The following ZC3H12B variants were observed in gnomAD, a reference collection of about 807,000 sequenced individuals.
ZC3H12B encodes probable ribonuclease ZC3H12B.
In ZC3H12B, 7 loss-of-function variants were observed where a neutral mutation model predicts 43.9. That is an observed-to-expected ratio of 0.16 (90% CI 0.09 to 0.30). ZC3H12B has a LOEUF of 0.30. ZC3H12B is among the 10% of genes least tolerant of loss of function. The pLI is 1.00. For missense variants in ZC3H12B, 475 were observed against 670.2 expected, an observed-to-expected ratio of 0.71 and a Z score of 3.22; for synonymous variants, 222 against 241.7, an observed-to-expected ratio of 0.92 and a Z score of 0.76.
At chrX:65,230,532 G>A in the ZC3H12B span, among the ~76,000 whole-genome samples, 23,968 of 102,136 alleles carry the variant, frequency 0.23, 7,021 homozygotes, top group African/African-American at 0.8. Flanking sequence ...CTTAAAGTAT[G>A]ATATTAATTA....
At chrX:65,103,301 TAAG>T in the ZC3H12B span, among the ~76,000 whole-genome samples, 1 of 111,934 alleles carries the variant, frequency 8.9e-6, no homozygotes, top group Non-Finnish European at 1.9e-5. Flanking sequence ...TTTGCTTTTG[TAAG>T]AAGAGAAATA....
chrX:65,398,011 G>A lies in ZC3H12B; in HGVS notation n.296-582G>A, dbSNP rs192405920. Among the ~76,000 whole-genome samples, 4 of 111,655 alleles carry A rather than the reference G, an allele frequency of 3.6e-5. No homozygotes were observed. In the Admixed American group the frequency reaches 3.8e-4, roughly 11 times the overall value. Reference sequence around the variant, plus strand: ...TAGAATATTCTGAAAAAGAAATCATGAAGGTAATCCCATTTACAATAGCTA... The same window carrying A: ...TAGAATATTCTGAAAAAGAAATCATAAAGGTAATCCCATTTACAATAGCTA... On this transcript the variant is annotated intron_variant and non_coding_transcript_variant, in intron 2 of 5. Coordinates refer to the ZC3H12B transcript ENST00000617377.
rs201954185 is a variant in ZC3H12B at position 65,408,783 on chromosome X, T to G, written n.407+10079T>G. ...AAGCAAACAATGAGATAAGAGGAAC[T>G]GTCTCAAAGCTTTCCACTGAAACAC... On this transcript the variant is annotated intron_variant and non_coding_transcript_variant, in intron 3 of 5. Coordinates refer to the ZC3H12B transcript ENST00000617377. 5.0e-4 allele frequency: 225 copies of G among 454,299 alleles called. No homozygotes were observed. In the East Asian group the frequency reaches 5.0e-3, roughly 10 times the overall value. 37.4% of individuals were successfully genotyped at this position (454,299 alleles called of 1,213,427 possible). A position where few individuals can be genotyped will look rare whatever the true frequency, so the allele number is the denominator to read the frequency against.
the ZC3H12B span, among the ~76,000 whole-genome samples, chrX:65,264,157 A>G: frequency 9.0e-6 from 1 of 111,379 alleles, no homozygotes; most frequent in East Asian, 2.8e-4. Flanking sequence ...CAACTCAGAA[A>G]CAGGGAGAGT....
the ZC3H12B span, among the ~76,000 whole-genome samples, chrX:65,317,644 C>A: frequency 5.5e-5 from 6 of 108,307 alleles, no homozygotes; most frequent in Non-Finnish European, 1.1e-4. Context: ...GGTTTCCATT[C>A]CTGAGTTATT....
At chrX:65,263,978 C>T in the ZC3H12B span, among the ~76,000 whole-genome samples, 2 of 110,933 alleles carry the variant, frequency 1.8e-5, no homozygotes, top group Admixed American at 1.9e-4. Context: ...TACTGCTCAG[C>T]CATAAAAAAA....
intron 2 of ZC3H12B, among the ~76,000 whole-genome samples, chrX:65,392,543 T>C (rs762754684): frequency 1.8e-5 from 2 of 111,271 alleles, no homozygotes; most frequent in African/African-American, 3.3e-5. Context: ...CCACCCCGTC[T>C]GGGAGGTGGG....
intron 2 of ZC3H12B, among the ~76,000 whole-genome samples, chrX:65,391,102 A>G (rs1221621780): frequency 8.9e-6 from 1 of 111,978 alleles, no homozygotes; most frequent in African/African-American, 3.2e-5. Flanking sequence ...TGGATTATAC[A>G]GTGAATTTTC....
intron 3 of ZC3H12B, among the ~76,000 whole-genome samples, chrX:65,458,567 G>A (rs1349154272): frequency 1.8e-5 from 2 of 111,753 alleles, no homozygotes; most frequent in Non-Finnish European, 3.8e-5. Context: ...ACTCAAAACC[G>A]CTCAACTATG....
intron 2 of ZC3H12B, among the ~76,000 whole-genome samples, chrX:65,394,738 G>A (rs1322580018): frequency 4.5e-5 from 5 of 111,772 alleles, no homozygotes; most frequent in Non-Finnish European, 3.8e-5. Context: ...AGTTCTGTGA[G>A]GAAAGTCAAT....
intron 1 of ZC3H12B, among the ~76,000 whole-genome samples, 184 bp from the exon 7 acceptor site, chrX:65,496,948 C>CAAAAAAAAAAAAAAAAAAAAAAAAA (rs373400545): frequency 2.4e-5 from 1 of 40,900 alleles, no homozygotes; most frequent in Admixed American, 3.2e-4. Flanking sequence ...AAAGTGAGAC[C>CAAAAAAAAAAAAAAAAAAAAAAAAA]AAAAAAAAAA....
At chrX:65,114,794 TTC>T in the ZC3H12B span, among the ~76,000 whole-genome samples, 1 of 110,170 alleles carries the variant, frequency 9.1e-6, no homozygotes, top group African/African-American at 3.3e-5. Flanking sequence ...TGGGATTATG[TTC>T]TGTTTCTAGG....
the ZC3H12B span, among the ~76,000 whole-genome samples, chrX:65,242,220 A>G: frequency 2.7e-5 from 3 of 110,752 alleles, no homozygotes; most frequent in Non-Finnish European, 5.7e-5. Context: ...GAGGACCTGG[A>G]TATTTCAGTC....
At chrX:65,411,523 C>T (rs1050475019) in intron 3 of ZC3H12B, among the ~76,000 whole-genome samples, 3 of 110,541 alleles carry the variant, frequency 2.7e-5, no homozygotes, top group Non-Finnish European at 5.7e-5. Flanking sequence ...GTCACGAGTT[C>T]GAGACCAGAC....
chrX:65,139,065 A>T, the ZC3H12B span, among the ~76,000 whole-genome samples: 2 of 111,864 alleles, frequency 1.8e-5, no homozygotes, highest in Admixed American at 1.9e-4. Context: ...TTGATTGTTT[A>T]CTCAGCTGTG....
chrX:65,271,371 A>G, the ZC3H12B span: 18 of 112,824 alleles, frequency 1.6e-4, no homozygotes, highest in Admixed American at 1.6e-3. Flanking sequence ...AGTACAACCA[A>G]TTTATTGAAC....
the ZC3H12B span, among the ~76,000 whole-genome samples, chrX:65,139,018 T>G: frequency 8.9e-6 from 1 of 112,370 alleles, no homozygotes. Context: ...GGTTTACAAA[T>G]GTTTTATCCC....
At chrX:65,474,109 C>G (rs2067961915) in intron 3 of ZC3H12B, among the ~76,000 whole-genome samples, 1 of 111,896 alleles carries the variant, frequency 8.9e-6, no homozygotes, top group African/African-American at 3.2e-5. Flanking sequence ...TGTCTGTCTT[C>G]AGATCTGTTG....
the ZC3H12B span, among the ~76,000 whole-genome samples, chrX:65,293,538 G>A: frequency 9.1e-6 from 1 of 109,644 alleles, no homozygotes; most frequent in East Asian, 2.8e-4. Context: ...AATTCAGAAG[G>A]TCAGTTATTA....
Sources: allele counts gnomAD v4.1 joint callset (sites outside exome capture counted in the v4.1 genomes callset), GRCh38; gene constraint gnomAD v4.1.1; transcripts MANE v1.5; gene names NCBI Gene and HGNC (gene_info 2026-07-23, HGNC 2026-07-21).